Variants in CCDC171 observed in about 807,000 individuals in gnomAD.
CCDC171 encodes coiled-coil domain containing 171, also known as coiled-coil domain-containing protein 171.
A neutral mutation model predicts 168.2 loss-of-function variants in CCDC171; 177 were observed. The observed-to-expected ratio is 1.05, with a 90% CI of 0.93 to 1.19. The LOEUF is 1.19. Among genes scored for constraint, CCDC171 ranks in the 50% most tolerant of loss-of-function variants. The pLI, the probability that CCDC171 is intolerant of heterozygous loss-of-function variation, is 0.00. For synonymous variants in CCDC171, 687 were observed against 540.8 expected (o/e 1.27, Z -3.75); for missense variants, 1,991 against 1,539.0 (o/e 1.29, Z -4.91).
At chr9:16,022,489 C>T (rs1217140433) in exon 5 of CCDC171, 1 of 152,364 alleles carries the variant, frequency 6.6e-6, no homozygotes, top group East Asian at 1.9e-4. Flanking sequence ...CACCTGCTCA[C>T]CCCTGTACCA....
At chr9:15,835,985 C>T (rs1038552097) in intron 21 of CCDC171, among the ~76,000 whole-genome samples, 1 of 151,818 alleles carries the variant, frequency 6.6e-6, no homozygotes, top group Admixed American at 6.6e-5. Context: ...CTATAATGTC[C>T]TTATATTTAC....
intron 11 of CCDC171, among the ~76,000 whole-genome samples, chr9:15,714,217 C>T (rs898089026): frequency 2.6e-5 from 4 of 152,068 alleles, no homozygotes; most frequent in African/African-American, 9.7e-5. Flanking sequence ...ACAGTCTTGC[C>T]AGGAGTGTGG....
chr9:15,739,028 C>G (rs1169271254), intron 16 of CCDC171, among the ~76,000 whole-genome samples: 1 of 152,028 alleles, frequency 6.6e-6, no homozygotes, highest in Non-Finnish European at 1.5e-5. Flanking sequence ...TTCCTAACCT[C>G]TAGGAACTAG....
intron 7 of CCDC171, among the ~76,000 whole-genome samples, chr9:15,629,969 G>C (rs944599744): frequency 3.3e-5 from 5 of 152,166 alleles, no homozygotes; most frequent in African/African-American, 1.2e-4. Context: ...TTACAGAAAA[G>C]CAAATGCTGA....
At chr9:15,648,179 C>T (rs1053356044) in intron 7 of CCDC171, among the ~76,000 whole-genome samples, 1 of 152,124 alleles carries the variant, frequency 6.6e-6, no homozygotes. Context: ...CAGAAAAGGC[C>T]TTTGGCAAAA....
intron 25 of CCDC171, among the ~76,000 whole-genome samples, chr9:15,966,739 A>T (rs563150590): frequency 6.6e-6 from 1 of 152,194 alleles, no homozygotes; most frequent in South Asian, 2.1e-4. Context: ...TGTCAGTAAG[A>T]TAGTCAAACT....
At chr9:15,922,691 G>A (rs575712402) in intron 25 of CCDC171, among the ~76,000 whole-genome samples, 13 of 151,592 alleles carry the variant, frequency 8.6e-5, no homozygotes, top group East Asian at 5.8e-4. Context: ...TACAACCAGC[G>A]TGTGCAAAGA....
intron 7 of CCDC171, among the ~76,000 whole-genome samples, chr9:15,630,036 A>G (rs867899261): frequency 6.6e-6 from 1 of 152,228 alleles, no homozygotes; most frequent in Non-Finnish European, 1.5e-5. Context: ...AGCACTAAAC[A>G]TGGAAAGGAA....
intron 6 of CCDC171, among the ~76,000 whole-genome samples, chr9:15,608,297 T>C (rs1477167455): frequency 6.6e-6 from 1 of 152,186 alleles, no homozygotes; most frequent in Non-Finnish European, 1.5e-5. Context: ...AACACTGACA[T>C]TGAGATTTAA....
rs373337777 is a variant in CCDC171, at chr9:15,641,747, A to G, written c.823-15380A>G. On this transcript the variant is annotated intron_variant, in intron 7 of 25. Transcript: ENST00000380701. ...AGTGAGATATAAATTACACCAAAAA[A>G]GAGGTAGAGTAACACCTACTATTTA... Among the ~76,000 whole-genome samples, 12 of 152,356 alleles carry G rather than the reference A, an allele frequency of 7.9e-5. No homozygotes were observed. The East Asian group carries it at 2.1e-3, about 27-fold the overall frequency.
chr9:15,663,579 G>A (rs1450913900), intron 8 of CCDC171, among the ~76,000 whole-genome samples: 1 of 150,566 alleles, frequency 6.6e-6, no homozygotes, highest in African/African-American at 2.4e-5. Flanking sequence ...ACTATGTGGA[G>A]AACTACATAG....
chr9:15,736,661 TTTTCTTTC>T (rs58407296), intron 16 of CCDC171, among the ~76,000 whole-genome samples: 86 of 147,988 alleles, frequency 5.8e-4, no homozygotes, highest in African/African-American at 1.0e-3. Context: ...TCACATTTCT[TTTTCTTTC>T]TTTCTTTCTT....
intron 1 of CCDC171, among the ~76,000 whole-genome samples, chr9:16,052,740 C>G (rs1833771221): frequency 6.6e-6 from 1 of 152,086 alleles, no homozygotes; most frequent in Non-Finnish European, 1.5e-5. Flanking sequence ...TTATCACTTT[C>G]TCTTTCTTCC....
chr9:15,836,914 C>T (rs1319110239), intron 21 of CCDC171, among the ~76,000 whole-genome samples: 2 of 152,160 alleles, frequency 1.3e-5, no homozygotes, highest in African/African-American at 4.8e-5. Context: ...AAATCTACTG[C>T]GGTAACTTAT....
At chr9:15,881,620 C>T (rs923215164) in intron 24 of CCDC171, among the ~76,000 whole-genome samples, 2 of 152,120 alleles carry the variant, frequency 1.3e-5, no homozygotes, top group Non-Finnish European at 2.9e-5. Context: ...TCTCTTCATC[C>T]CCTTCTCAAC....
At chr9:15,775,247 TA>T (rs2057255568) in intron 18 of CCDC171, among the ~76,000 whole-genome samples, 1 of 152,258 alleles carries the variant, frequency 6.6e-6, no homozygotes, top group South Asian at 2.1e-4. Flanking sequence ...TTTCACTTCT[TA>T]AAAATTTAGA....
chr9:15,651,837 T>C (rs1428125603), intron 7 of CCDC171, among the ~76,000 whole-genome samples: 1 of 145,854 alleles, frequency 6.9e-6, no homozygotes, highest in Non-Finnish European at 1.5e-5. Flanking sequence ...TGTTTGTTTG[T>C]TTGTTTGTTT....
At chr9:16,017,827 C>T (rs899327895) in intron 3 of CCDC171, among the ~76,000 whole-genome samples, 6 of 152,132 alleles carry the variant, frequency 3.9e-5, no homozygotes, top group African/African-American at 1.4e-4. Flanking sequence ...AAGAAAGAGG[C>T]CTAGGTTGAG....
chr9:15,863,193 A>G (rs1449009574), intron 23 of CCDC171, among the ~76,000 whole-genome samples: 1 of 152,040 alleles, frequency 6.6e-6, no homozygotes, highest in Non-Finnish European at 1.5e-5. Flanking sequence ...TTCCCTTCTC[A>G]TAAAAAGTTG....
Sources: gnomAD v4.1 joint callset for allele counts (sites outside exome capture counted in the v4.1 genomes callset) on GRCh38, gnomAD v4.1.1 for gene constraint, MANE v1.5 for transcripts, NCBI Gene and HGNC (gene_info 2026-07-23, HGNC 2026-07-21) for gene names.